Variants in LMBRD2 observed in about 807,000 individuals in gnomAD.
The protein encoded by LMBRD2 is G protein-coupled receptor-associated protein LMBRD2.
Under a neutral mutation model 94.4 loss-of-function variants are expected in LMBRD2, and 55 were observed. The observed-to-expected ratio is 0.58, with a 90% CI of 0.47 to 0.73. The LOEUF (loss-of-function observed/expected upper bound fraction) is 0.73, where lower values mean the gene tolerates loss of function less well. Among genes scored for constraint, LMBRD2 ranks in the 30% least tolerant of loss-of-function variants. The pLI, the probability that LMBRD2 is intolerant of heterozygous loss-of-function variation, is 0.00. For missense variants in LMBRD2, 640 were observed against 831.9 expected (o/e 0.77, Z 2.84); for synonymous variants, 246 against 272.4 (o/e 0.90, Z 0.95).
rs1579538260 is a variant in LMBRD2, at chr5:36,151,305, A to C, written c.-58+251T>G. On this transcript the variant is annotated intron_variant, in intron 1 of 17. Coordinates refer to ENST00000296603, the MANE Select transcript of LMBRD2 (RefSeq NM_001007527.2). This position sits in a 1 kb window ranked among gnomAD's most constrained non-coding sequence, Gnocchi z 4.7. ...TTATTCCCATGTTGCTATTTATGAG[A>C]CCTGTCAAGGCTGCAAGGGCATGCG... is the stretch of plus-strand genomic sequence containing the variant. 6.6e-6 allele frequency among the ~76,000 whole-genome samples: 1 copy of C among 152,176 alleles called. No homozygotes were observed. The highest frequency in any genetic ancestry group is 6.5e-5 in the Admixed American group (1 of 15,280).
At position 36,151,089 on chromosome 5, in the gene LMBRD2, TG is replaced by T. The variant is rs1311764372; in HGVS notation, c.-58+466del. ...ATGGATTTCGCATGGTCATTGTACC[TG>T]GAATATGTCACGCTCCCTACTCTTA... On this transcript the variant is annotated intron_variant, in intron 1 of 17. Transcript: ENST00000296603. The surrounding 1 kb of genome is among the most constrained non-coding windows in gnomAD (Gnocchi z 4.7). Among the ~76,000 whole-genome samples, 1 of 152,182 alleles carries T rather than the reference TG, an allele frequency of 6.6e-6. No individual in the cohort carries two copies. Among genetic ancestry groups the T allele is most frequent in the African/African-American group, 2.4e-5 (1 of 41,432 alleles).
At chr5:36,108,294 T>C (rs564625450) in intron 16 of LMBRD2, among the ~76,000 whole-genome samples, 1 of 152,228 alleles carries the variant, frequency 6.6e-6, no homozygotes, top group South Asian at 2.1e-4. Context: ...TTATTTAGGG[T>C]TAGTATACTT....
chr5:36,122,162 C>A, intron 9 of LMBRD2, 118 bp downstream of exon 9: 3 of 659,228 alleles, frequency 4.6e-6, no homozygotes, highest in Non-Finnish European at 7.5e-6. Context: ...CTTAATATCA[C>A]ATGGTATAAA....
At position 36,114,509 on chromosome 5, in the gene LMBRD2, T is replaced by G; in HGVS notation, c.1555A>C (p.Met519Leu). The G allele has an allele frequency of 6.4e-7, 1 of 1,553,588 alleles. No individual in the cohort carries two copies. Among genetic ancestry groups the G allele is most frequent in the Non-Finnish European group, 8.6e-7 (1 of 1,156,430 alleles). Residue 519 changes from methionine (M) to leucine (L), a missense_variant, in exon 13 of 18, where the codon ATG (methionine) becomes CTG (leucine). By Grantham distance (15) the Met-to-Leu change is conservative. Around this residue, in one of 2 missense-constraint regions of LMBRD2, gnomAD observed 457 missense variants for 642.8 expected, o/e 0.71. Coordinates refer to ENST00000296603, the MANE Select transcript of LMBRD2 (RefSeq NM_001007527.2). ...PTAYTSIMGS[M>L]KVLSFIADGF... ...TCTGCAATAAAGGATAAAACTTTCATGGAACCCATAATCTGAAGAGCAAGA... is the reference window on the plus strand; with the variant it reads ...TCTGCAATAAAGGATAAAACTTTCAGGGAACCCATAATCTGAAGAGCAAGA...
chr5:36,123,430 G>C (rs1286700072), intron 7 of LMBRD2, among the ~76,000 whole-genome samples: 1 of 152,040 alleles, frequency 6.6e-6, no homozygotes, highest in East Asian at 1.9e-4. Flanking sequence ...GGGCAACTTA[G>C]TTAACCTCTC....
chr5:36,106,702 G>A (rs548860537), intron 16 of LMBRD2, among the ~76,000 whole-genome samples: 78 of 151,764 alleles, frequency 5.1e-4, no homozygotes, highest in African/African-American at 1.6e-3. Flanking sequence ...TAGAGATGGC[G>A]TTTCACCATG....
intron 4 of LMBRD2, among the ~76,000 whole-genome samples, chr5:36,140,454 T>C (rs1457851212): frequency 6.6e-6 from 1 of 152,106 alleles, no homozygotes; most frequent in Non-Finnish European, 1.5e-5. Flanking sequence ...CTACTGGCCA[T>C]AGAGGTTTCC....
chr5:36,141,088 A>C lies in LMBRD2; in HGVS notation c.368+19T>G, dbSNP rs754853762. On this transcript the variant is annotated intron_variant, in intron 4 of 17. Transcript: ENST00000296603. The stretch of plus-strand genomic sequence containing the variant: ...CTTTAGCCAAAATTTTAAAAATTTT[A>C]TCATTTACTGTAACTTACCATGTTA... 2.4e-5 allele frequency: 34 copies of C among 1,427,764 alleles called. No homozygotes were observed. The highest frequency in any genetic ancestry group is 3.2e-5 in the Non-Finnish European group (33 of 1,030,154). 88.4% of individuals were successfully genotyped at this position (1,427,764 alleles called of 1,614,324 possible).
intron 6 of LMBRD2, among the ~76,000 whole-genome samples, chr5:36,133,179 G>C (rs1157520317): frequency 6.6e-6 from 1 of 152,070 alleles, no homozygotes; most frequent in Non-Finnish European, 1.5e-5. Flanking sequence ...AATGGATAAA[G>C]AAAATGTGGT....
At chr5:36,128,935 G>A (rs1003256418) in intron 6 of LMBRD2, among the ~76,000 whole-genome samples, 1 of 152,156 alleles carries the variant, frequency 6.6e-6, no homozygotes, top group East Asian at 1.9e-4. Flanking sequence ...AAATTCTGGA[G>A]TTGAAAAATG....
At chr5:36,105,040 G>A in intron 17 of LMBRD2, 28 bp downstream of exon 17, 1 of 1,607,166 alleles carries the variant, frequency 6.2e-7, no homozygotes, top group South Asian at 1.1e-5. Flanking sequence ...AGGAATGCTA[G>A]AGCTAAAATG....
chr5:36,129,162 T>C (rs1307200767), intron 6 of LMBRD2, among the ~76,000 whole-genome samples: 1 of 151,390 alleles, frequency 6.6e-6, no homozygotes, highest in Non-Finnish European at 1.5e-5. Flanking sequence ...AAAGAGGAGG[T>C]AGAGTGAGAG....
At chr5:36,138,551 C>A (rs534506711) in intron 4 of LMBRD2, among the ~76,000 whole-genome samples, 5 of 152,140 alleles carry the variant, frequency 3.3e-5, no homozygotes, top group African/African-American at 1.2e-4. Context: ...CTGGGGAGTG[C>A]GGGATGACTA....
chr5:36,136,162 T>A (rs1207211833), intron 6 of LMBRD2, 147 bp downstream of exon 6: 1 of 734,456 alleles, frequency 1.4e-6, no homozygotes, highest in Non-Finnish European at 2.4e-6. Flanking sequence ...AAAGTCATCC[T>A]GGATGAGACA....
In LMBRD2 at chr5:36,124,288, A is replaced by G. The variant is rs772876683; in HGVS notation, c.748-23T>C. On this transcript the variant is annotated intron_variant, in intron 6 of 17. Coordinates refer to ENST00000296603, the MANE Select transcript of LMBRD2 (RefSeq NM_001007527.2). ...CTCCTATAAAAACAGTAAAATAAAT[A>G]AAAATATTTCCATTTCTACAGATCA... 4 of 1,360,936 alleles carry G rather than the reference A, an allele frequency of 2.9e-6. No homozygotes were observed. In the Admixed American group the frequency reaches 6.9e-5, roughly 24 times the overall value. 84.3% of individuals were successfully genotyped at this position (1,360,936 alleles called of 1,614,324 possible). A position where few individuals can be genotyped will look rare whatever the true frequency, so the allele number is the denominator to read the frequency against.
rs759073329 is a variant in LMBRD2, at chr5:36,122,405, T to G, written c.995A>C (p.Glu332Ala). 4.3e-6 allele frequency: 7 copies of G among 1,613,636 alleles called. No homozygotes were observed. Among genetic ancestry groups the G allele is most frequent in the Non-Finnish European group, 5.9e-6 (7 of 1,179,792 alleles). ...TACATCTTCTAGATAAAATGCTTGT[T>G]CCAAAAGAATCTGCCATTGTACTTG... ...RTQVQWQILL[E>A]QAFYLEDVAK... Residue 332 changes from glutamate (E) to alanine (A), a missense_variant, in exon 9 of 18, where the codon GAA (glutamate) becomes GCA (alanine). Coordinates refer to ENST00000296603, the MANE Select transcript of LMBRD2 (RefSeq NM_001007527.2).
intron 16 of LMBRD2, among the ~76,000 whole-genome samples, chr5:36,106,997 T>C (rs569461112): frequency 6.0e-4 from 91 of 152,256 alleles, no homozygotes; most frequent in Non-Finnish European, 1.2e-3. Flanking sequence ...CCTTCTTAAA[T>C]ACTCAGCTAA....
In LMBRD2 at chr5:36,143,271, A is replaced by C; in HGVS notation, c.79T>G (p.Phe27Val). The C allele has an allele frequency of 1.2e-6, 2 of 1,612,850 alleles. No individual in the cohort carries two copies. The highest frequency in any genetic ancestry group is 1.7e-6 in the Non-Finnish European group (2 of 1,178,904). ...ATCACAAGTCTATGCTGTTTCTTAA[A>C]GTCTCCATATCGATGAAGCAGAAAT... ...ALFLLHRYGD[F>V]KKQHRLVIIG... Residue 27 changes from phenylalanine to valine, a missense_variant, in exon 2 of 18, where the codon TTT becomes GTT. Physicochemically the swap from Phe to Val is conservative, Grantham distance 50. This residue lies in a region of LMBRD2 where 457 missense variants were observed against 642.8 expected (regional missense o/e 0.71). Coordinates refer to ENST00000296603, the MANE Select transcript of LMBRD2 (RefSeq NM_001007527.2).
At chr5:36,124,947 A>G (rs1743975391) in intron 6 of LMBRD2, among the ~76,000 whole-genome samples, 1 of 152,030 alleles carries the variant, frequency 6.6e-6, no homozygotes, top group African/African-American at 2.4e-5. Context: ...TAAATAAATA[A>G]ATAGATTAAA....
Sources: allele counts gnomAD v4.1 joint callset (sites outside exome capture counted in the v4.1 genomes callset), GRCh38; gene constraint gnomAD v4.1.1; regional missense constraint gnomAD v4.1.1; non-coding constraint Gnocchi (gnomAD v3.1); transcripts MANE v1.5; gene names NCBI Gene and HGNC (gene_info 2026-07-23, HGNC 2026-07-21).